PCGF3: variants seen among roughly 807,000 people sequenced by gnomAD.
The protein encoded by PCGF3 is polycomb group RING finger protein 3.
In PCGF3, 7 loss-of-function variants were observed where a neutral mutation model predicts 33.1. That is an observed-to-expected ratio of 0.21 (90% CI 0.12 to 0.40). The LOEUF is 0.40. Among genes scored for constraint, PCGF3 ranks in the 10% least tolerant of loss-of-function variants. The pLI is 1.00. For synonymous variants in PCGF3, 153 were observed against 121.3 expected, an observed-to-expected ratio of 1.26 and a Z score of -1.72; for missense variants, 211 against 313.3, an observed-to-expected ratio of 0.67 and a Z score of 2.46.
intron 9 of PCGF3, chr4:764,720 T>A: frequency 2.6e-6 from 1 of 380,166 alleles, no homozygotes; most frequent in South Asian, 3.6e-5. Context: ...AGAAACGTCA[T>A]CCCCCTAACT....
intron 1 of PCGF3, among the ~76,000 whole-genome samples, chr4:727,233 C>CTTTGT (rs1743367327): frequency 1.6e-5 from 1 of 61,892 alleles, no homozygotes; most frequent in Non-Finnish European, 2.9e-5. Context: ...TAGCGAGCGT[C>CTTTGT]TTTTTTTTTT....
chr4:760,340 T>C (rs1018679840), intron 8 of PCGF3, among the ~76,000 whole-genome samples: 2 of 150,878 alleles, frequency 1.3e-5, no homozygotes. Context: ...TTGGTGTGTT[T>C]ATCTCTACTC....
intron 1 of PCGF3, among the ~76,000 whole-genome samples, chr4:730,094 G>A (rs866967612): frequency 6.6e-6 from 1 of 150,594 alleles, no homozygotes; most frequent in Non-Finnish European, 1.5e-5. Flanking sequence ...CATCCCCACT[G>A]AGCCCAACAC....
At chr4:716,263 G>T (rs372935176) in intron 1 of PCGF3, among the ~76,000 whole-genome samples, 1 of 123,726 alleles carries the variant, frequency 8.1e-6, no homozygotes, top group Non-Finnish European at 1.7e-5. Flanking sequence ...ACTGGGCGTC[G>T]GTGCTGGGAC....
chr4:752,192 C>T (rs1744547211), intron 8 of PCGF3, among the ~76,000 whole-genome samples: 1 of 152,226 alleles, frequency 6.6e-6, no homozygotes, highest in Admixed American at 6.5e-5. Flanking sequence ...CCGCCTCTTC[C>T]ACTGCCCTTG....
intron 1 of PCGF3, among the ~76,000 whole-genome samples, chr4:727,079 G>T (rs558340446): frequency 6.6e-6 from 1 of 152,156 alleles, no homozygotes; most frequent in Admixed American, 6.5e-5. Context: ...TCACTGCCGA[G>T]CCGCATCTGC....
chr4:749,009 GTCC>G (rs1360093213), intron 8 of PCGF3, among the ~76,000 whole-genome samples: 1 of 152,088 alleles, frequency 6.6e-6, no homozygotes, highest in Non-Finnish European at 1.5e-5. Context: ...TGTGTGTGAT[GTCC>G]TCCTCCAGTT....
Position 761,436 on chromosome 4 carries a change from T to TA in PCGF3, c.600+21dup. 1 of 1,572,926 alleles carries TA rather than the reference T, an allele frequency of 6.4e-7. No homozygotes were observed. Among genetic ancestry groups the TA allele is most frequent in the Non-Finnish European group, 8.6e-7 (1 of 1,156,526 alleles). Reference sequence around the variant, plus strand: ...AACGAGGTAACAGTTGATCCCTAAGTAGAAACCATAACAAGTCCTCTCTTA... The same window carrying TA: ...AACGAGGTAACAGTTGATCCCTAAGTAAGAAACCATAACAAGTCCTCTCTTA... On this transcript the variant is annotated intron_variant, in intron 9 of 10. Coordinates refer to ENST00000362003, the Ensembl canonical transcript of PCGF3.
chr4:743,588 A>C lies in PCGF3; in HGVS notation c.373+4A>C. 6.4e-7 allele frequency: 1 copy of C among 1,563,356 alleles called. No individual in the cohort carries two copies. The highest frequency in any genetic ancestry group is 1.7e-4 in the Middle Eastern group (1 of 5,942). On this transcript the variant is annotated splice_donor_region_variant and intron_variant, in intron 7 of 10. Transcript: ENST00000362003. ...CACTTAGATTCCCATCGGAATGGTG[A>C]GTGCCCTGCGTGCCCATCCAGAAGC... is the stretch of plus-strand genomic sequence containing the variant.
At chr4:733,589 C>T (rs1260930735) in intron 3 of PCGF3, 83 bp from the exon 4 acceptor site, 49 of 1,430,592 alleles carry the variant, frequency 3.4e-5, no homozygotes, top group Non-Finnish European at 4.1e-5. Context: ...ACTGTCCTCC[C>T]TGGGGGCGGC....
At chr4:749,476 CTTTTTT>C (rs71640348) in intron 8 of PCGF3, among the ~76,000 whole-genome samples, 63 of 75,482 alleles carry the variant, frequency 8.3e-4, no homozygotes, top group African/African-American at 2.7e-3. Flanking sequence ...ATTTTCTTTC[CTTTTTT>C]TTTTTTTTTT....
chr4:717,920 C>T (rs947054759), intron 1 of PCGF3, among the ~76,000 whole-genome samples: 2 of 152,198 alleles, frequency 1.3e-5, no homozygotes, highest in African/African-American at 4.8e-5. Context: ...GGAGCCTCTG[C>T]GTCCACTCAG....
intron 1 of PCGF3, among the ~76,000 whole-genome samples, chr4:716,111 T>TGC (rs1560196293): frequency 3.7e-5 from 3 of 81,866 alleles, no homozygotes; most frequent in South Asian, 5.3e-4. Context: ...CTGTAGACAC[T>TGC]GAGGGTGAGA....
exon 11 of PCGF3, chr4:766,311 C>G (rs1303474162): frequency 3.6e-5 from 17 of 474,386 alleles, no homozygotes; most frequent in Non-Finnish European, 5.7e-5. Flanking sequence ...CTCCCCCGCC[C>G]CACCCCGTGC....
chr4:717,669 C>T (rs928581986), intron 1 of PCGF3, among the ~76,000 whole-genome samples: 2 of 152,188 alleles, frequency 1.3e-5, no homozygotes, highest in Admixed American at 6.5e-5. Flanking sequence ...TGAGCCACCG[C>T]GCCCGGCTGT....
intron 8 of PCGF3, among the ~76,000 whole-genome samples, chr4:745,234 TGCTC>T (rs1744267019): frequency 0.021 from 1 of 48 alleles, no homozygotes; most frequent in African/African-American, 0.12. Flanking sequence ...GCAGTGTTAG[TGCTC>T]GCCGTGGAGG....
intron 6 of PCGF3, among the ~76,000 whole-genome samples, chr4:742,238 G>T (rs1224601904): frequency 1.3e-5 from 2 of 150,526 alleles, no homozygotes; most frequent in Non-Finnish European, 3.0e-5. Context: ...GGCTCTCGGG[G>T]TCCCCTCCTC....
intron 4 of PCGF3, chr4:734,232 GTT>G (rs1743740426): frequency 3.3e-6 from 5 of 1,500,758 alleles, no homozygotes; most frequent in Non-Finnish European, 4.5e-6. Flanking sequence ...GGACCTGAGT[GTT>G]TTTCTAAGTG....
At chr4:764,263 GC>G (rs1745234676) in intron 9 of PCGF3, among the ~76,000 whole-genome samples, 1 of 152,212 alleles carries the variant, frequency 6.6e-6, no homozygotes, top group South Asian at 2.1e-4. Context: ...TCTCAATTTT[GC>G]TGTAAACCTT....
Sources: allele counts gnomAD v4.1 joint callset (sites outside exome capture counted in the v4.1 genomes callset), GRCh38; gene constraint gnomAD v4.1.1; transcripts MANE v1.5; gene names NCBI Gene and HGNC (gene_info 2026-07-23, HGNC 2026-07-21).